VARS1: variants seen among roughly 807,000 people sequenced by gnomAD.
The protein encoded by VARS1 is valyl-tRNA synthetase 1, also known as valine--tRNA ligase.
VARS1 carries 92 observed loss-of-function variants against 161.0 expected under a neutral mutation model. The observed-to-expected ratio is 0.57, with a 90% confidence interval of 0.48 to 0.68. VARS1 has a LOEUF of 0.68. Among genes scored for constraint, VARS1 ranks in the 30% least tolerant of loss-of-function variants. The probability of loss-of-function intolerance (pLI) is 0.00; values close to 1 mark genes in which losing one functional copy is unlikely to be tolerated. For synonymous variants in VARS1, 595 were observed against 682.5 expected (o/e 0.87, Z 2.00); for missense variants, 1,338 against 1,695.9 (o/e 0.79, Z 3.71).
In VARS1 at chr6:31,781,407, G is replaced by A. The variant is rs915651; in HGVS notation, c.2544+74C>T. 0.1 allele frequency: 159,272 copies of A among 1,568,044 alleles called. 10,101 individuals carry two copies. The highest frequency in any genetic ancestry group is 0.12 in the Non-Finnish European group (142,382 of 1,159,472). Reference sequence around the variant, plus strand: ...AGCTAACCCCATGCCCCAGCCACGCGGGGTCTGCGCTGCAGCACAGGACGG... The same window carrying A: ...AGCTAACCCCATGCCCCAGCCACGCAGGGTCTGCGCTGCAGCACAGGACGG... On this transcript the variant is annotated intron_variant, in intron 21 of 29. Coordinates refer to ENST00000375663, the MANE Select transcript of VARS1 (RefSeq NM_006295.3). This position sits in a 1 kb window ranked among gnomAD's most constrained non-coding sequence, Gnocchi z 6.8.
chr6:31,782,388 C>G lies in VARS1; in HGVS notation c.2047G>C (p.Gly683Arg). The G allele has an allele frequency of 6.2e-7, 1 of 1,612,348 alleles. No individual in the cohort carries two copies. Among genetic ancestry groups the G allele is most frequent in the Non-Finnish European group, 8.5e-7 (1 of 1,179,710 alleles). ...GCGCTGGCAGCCTGGGCCATCTCCC[C>G]GCAGCGAACGTACCACTGCGGCCGC... ...LLRPQWYVRC[G>R]EMAQAASAAV... is the part of the protein sequence containing the mutation. Residue 683 changes from glycine (G) to arginine (R), a missense_variant, in exon 17 of 30, where the codon GGG becomes CGG. Physicochemically the swap from Gly to Arg is moderately radical, Grantham distance 125. Around this residue, in one of 3 missense-constraint regions of VARS1, gnomAD observed 902 missense variants for 1,090.3 expected, o/e 0.83. Transcript: ENST00000375663. The surrounding 1 kb of genome is among the most constrained non-coding windows in gnomAD (Gnocchi z 8.3).
chr6:31,793,449 TGAGCC>T (rs1224488818), intron 2 of VARS1, among the ~76,000 whole-genome samples: 1 of 150,958 alleles, frequency 6.6e-6, no homozygotes, highest in East Asian at 2.0e-4. Flanking sequence ...GAGCTTGCAG[TGAGCC>T]GAGATCACGC....
In VARS1 at chr6:31,791,474, C is replaced by CA; in HGVS notation, c.1100+135dup. ...AAGCTAAATGATCAGATTGGAATGA[C>CA]AGAGAGAAGTGTAGCACCACTGGGG... On this transcript the variant is annotated intron_variant, in intron 8 of 29. Transcript: ENST00000375663. This position sits in a 1 kb window ranked among gnomAD's most constrained non-coding sequence, Gnocchi z 5.0. 7.9e-7 allele frequency: 1 copy of CA among 1,265,004 alleles called. No individual in the cohort carries two copies. Among genetic ancestry groups the CA allele is most frequent in the South Asian group, 1.6e-5 (1 of 62,962 alleles). 78.4% of individuals were successfully genotyped at this position (1,265,004 alleles called of 1,614,324 possible).
At position 31,780,052 on chromosome 6, in the gene VARS1, G is replaced by A. The variant is rs553364774; in HGVS notation, c.3027C>T (p.Ala1009=). The A allele has an allele frequency of 1.3e-5, 21 of 1,614,132 alleles. No homozygotes were observed. The South Asian group carries it at 1.3e-4, about 10-fold the overall frequency. The part of the protein sequence containing the change: ...NQGFQAYDFP[A]VTTAQYSFWL... ...AGAAGCTGTACTGGGCAGTGGTGAC[G>A]GCCGGGAAGTCGTAGGCCTGGAAGC... is the stretch of plus-strand genomic sequence containing the variant. The change falls in exon 26 of 30, where the codon GCC becomes GCT. Residue 1009 remains alanine (A), a synonymous_variant. Coordinates refer to ENST00000375663, the MANE Select transcript of VARS1 (RefSeq NM_006295.3). The surrounding 1 kb of genome is among the most constrained non-coding windows in gnomAD (Gnocchi z 5.1).
rs1813462268 is a variant in VARS1, at chr6:31,785,787, C to T, written c.1101-54G>A. 6.5e-7 allele frequency: 1 copy of T among 1,542,550 alleles called. No individual in the cohort carries two copies. ...TGAGCCAGGCCAGTGGGGCCTGGCACCAAAGAAAGCAGAGGCTTCAGGCAA... is the reference window on the plus strand; with the variant it reads ...TGAGCCAGGCCAGTGGGGCCTGGCATCAAAGAAAGCAGAGGCTTCAGGCAA... On this transcript the variant is annotated intron_variant, in intron 8 of 29. Coordinates refer to ENST00000375663, the MANE Select transcript of VARS1 (RefSeq NM_006295.3). This position sits in a 1 kb window ranked among gnomAD's most constrained non-coding sequence, Gnocchi z 6.1.
In VARS1 at chr6:31,778,113, A is replaced by G. The variant is rs1427023722; in HGVS notation, c.3727-451T>C. 1 of 172,208 alleles carries G rather than the reference A, an allele frequency of 5.8e-6. No homozygotes were observed. The highest frequency in any genetic ancestry group is 1.2e-5 in the Non-Finnish European group (1 of 80,226). 10.7% of individuals were successfully genotyped at this position (172,208 alleles called of 1,614,324 possible). On this transcript the variant is annotated intron_variant, in intron 29 of 29. Coordinates refer to ENST00000375663, the MANE Select transcript of VARS1 (RefSeq NM_006295.3). This position sits in a 1 kb window ranked among gnomAD's most constrained non-coding sequence, Gnocchi z 5.1. ...TCTCTGTGTCTGTGCAGTTTACTCCACTGCTTCTCTCTGGCGGAACCCAGG... is the reference window on the plus strand; with the variant it reads ...TCTCTGTGTCTGTGCAGTTTACTCCGCTGCTTCTCTCTGGCGGAACCCAGG...
rs763368542 is a variant in VARS1 at position 31,779,521 on chromosome 6, G to A, written c.3304C>T (p.Pro1102Ser). 14 of 1,612,636 alleles carry A rather than the reference G, an allele frequency of 8.7e-6. No homozygotes were observed. In the Admixed American group the frequency reaches 2.2e-4, roughly 25 times the overall value. ...PEPSECSWKD[P>S]EAEAALELAL... ...AGCTCAAGGGCGGCTTCTGCCTCGG[G>A]GTCCTTCCAGGAGCACTGTGGGGTG... The change falls in exon 28 of 30, where the codon CCC (proline) becomes TCC (serine). Residue 1102 changes from proline (P) to serine (S), a missense_variant. By Grantham distance (74) the Pro-to-Ser change is moderately conservative. This residue lies in a region of VARS1 where 433 missense variants were observed against 586.2 expected (regional missense o/e 0.74). Transcript: ENST00000375663. This position sits in a 1 kb window ranked among gnomAD's most constrained non-coding sequence, Gnocchi z 9.1.
At position 31,780,993 on chromosome 6, in the gene VARS1, C is replaced by T; in HGVS notation, c.2649+26G>A. 6.2e-7 allele frequency: 1 copy of T among 1,614,108 alleles called. No homozygotes were observed. The highest frequency in any genetic ancestry group is 8.5e-7 in the Non-Finnish European group (1 of 1,180,004). ...CTGTGACCACAGCCCCACGGCCCTT[C>T]CTGGCTGGCCCAGCACCCAGCCCAC... On this transcript the variant is annotated intron_variant, in intron 22 of 29. Transcript: ENST00000375663. This position sits in a 1 kb window ranked among gnomAD's most constrained non-coding sequence, Gnocchi z 5.1.
chr6:31,789,786 C>T (rs978188443), intron 8 of VARS1, among the ~76,000 whole-genome samples: 8 of 152,050 alleles, frequency 5.3e-5, no homozygotes, highest in Middle Eastern at 3.4e-3. Flanking sequence ...TTTGGGAGTC[C>T]GAGGCGGGCG....
In VARS1 at chr6:31,780,895, T is replaced by C; in HGVS notation, c.2693A>G (p.Glu898Gly). 3 of 1,614,150 alleles carry C rather than the reference T, an allele frequency of 1.9e-6. No homozygotes were observed. The highest frequency in any genetic ancestry group is 2.5e-6 in the Non-Finnish European group (3 of 1,180,014). Residue 898 changes from glutamate (E) to glycine (G), a missense_variant, in exon 23 of 30, where the codon GAG (glutamate) becomes GGG (glycine). Physicochemically the swap from Glu to Gly is moderately conservative, Grantham distance 98 (BLOSUM62 -2). Transcript: ENST00000375663. The surrounding 1 kb of genome is among the most constrained non-coding windows in gnomAD (Gnocchi z 5.1). ...CTGCCCTTCTTTGGCCTTCTCCACC[T>C]CGCTGGGATCCAGGTTGCTGTTCAG... ...QLLNSNLDPS[E>G]VEKAKEGQKA...
chr6:31,792,289 G>C lies in VARS1; in HGVS notation c.799C>G (p.Pro267Ala). ...GGATCCCGTTTCTCCCTCTTCTCTG[G>C]TTTTGGTTTCTTCTGCTTGGGAGGG... ...QPPPGEKKPK[P>A]EKREKRDPGV... The change falls in exon 6 of 30, where the codon CCA (proline) becomes GCA (alanine). Residue 267 changes from proline to alanine, a missense_variant. Around this residue, in one of 3 missense-constraint regions of VARS1, gnomAD observed 902 missense variants for 1,090.3 expected, o/e 0.83. Transcript: ENST00000375663. 6.2e-7 allele frequency: 1 copy of C among 1,613,864 alleles called. No homozygotes were observed. Among genetic ancestry groups the C allele is most frequent in the Non-Finnish European group, 8.5e-7 (1 of 1,179,968 alleles).
At position 31,791,848 on chromosome 6, in the gene VARS1, C is replaced by T. The variant is rs1562312289; in HGVS notation, c.972+23G>A. The T allele has an allele frequency of 1.9e-6, 3 of 1,611,700 alleles. No individual in the cohort carries two copies. The highest frequency in any genetic ancestry group is 1.7e-5 in the Admixed American group (1 of 59,912). The stretch of plus-strand genomic sequence containing the variant: ...CCTTCCCCACCCCACCCACTCTGGG[C>T]CTGGGCAGCAGTGCCTACTCACCCC... On this transcript the variant is annotated intron_variant, in intron 7 of 29. Coordinates refer to ENST00000375663, the MANE Select transcript of VARS1 (RefSeq NM_006295.3). The surrounding 1 kb of genome is among the most constrained non-coding windows in gnomAD (Gnocchi z 5.0).
Position 31,779,279 on chromosome 6 carries a change from C to T in VARS1, c.3414G>A (p.Val1138=). 1.2e-6 allele frequency: 2 copies of T among 1,603,208 alleles called. No homozygotes were observed. Among genetic ancestry groups the T allele is most frequent in the Non-Finnish European group, 1.7e-6 (2 of 1,179,660 alleles). ...TRIRPDCFLE[V]ADEATGALAS... ...CCAGGGCGCCCGTGGCCTCATCCGC[C>T]ACTTCCAGGAAACCTGCCAGGGAGG... Residue 1138 remains valine (V), a synonymous_variant, in exon 29 of 30, where the codon GTG becomes GTA. Coordinates refer to ENST00000375663, the MANE Select transcript of VARS1 (RefSeq NM_006295.3). This position sits in a 1 kb window ranked among gnomAD's most constrained non-coding sequence, Gnocchi z 9.1.
At chr6:31,790,214 G>T (rs1813780658) in intron 8 of VARS1, among the ~76,000 whole-genome samples, 1 of 152,058 alleles carries the variant, frequency 6.6e-6, no homozygotes, top group Non-Finnish European at 1.5e-5. Flanking sequence ...CAGGCTGCAG[G>T]TTGGACAAAC....
In VARS1 at chr6:31,780,714, T is replaced by C. The variant is rs553063573; in HGVS notation, c.2788A>G (p.Met930Val). 4.3e-6 allele frequency: 7 copies of C among 1,614,098 alleles called. No individual in the cohort carries two copies. In the African/African-American group the frequency reaches 5.3e-5, roughly 12 times the overall value. Residue 930 changes from methionine to valine, a missense_variant, in exon 24 of 30, where the codon ATG (methionine) becomes GTG (valine). This residue lies in a region of VARS1 where 433 missense variants were observed against 586.2 expected (regional missense o/e 0.74). Coordinates refer to ENST00000375663, the MANE Select transcript of VARS1 (RefSeq NM_006295.3). The surrounding 1 kb of genome is among the most constrained non-coding windows in gnomAD (Gnocchi z 5.1). ...GCTTTGGGGGCCATACCCTGGGACA[T>C]GTAGGCACATAATCCAAACCGGAGA... ...DALRFGLCAY[M>V]SQGRDINLDV...
intron 8 of VARS1, among the ~76,000 whole-genome samples, chr6:31,788,740 C>A (rs1471396347): frequency 6.6e-6 from 1 of 151,534 alleles, no homozygotes; most frequent in African/African-American, 2.4e-5. Flanking sequence ...ACCTGGGAAG[C>A]AGAGCTTGCA....
In VARS1 at chr6:31,782,255, A is replaced by G. The variant is rs748975741; in HGVS notation, c.2150+30T>C. 6.2e-7 allele frequency: 1 copy of G among 1,610,490 alleles called. No individual in the cohort carries two copies. The highest frequency in any genetic ancestry group is 1.7e-5 in the Admixed American group (1 of 59,890). On this transcript the variant is annotated intron_variant, in intron 17 of 29. Transcript: ENST00000375663. The surrounding 1 kb of genome is among the most constrained non-coding windows in gnomAD (Gnocchi z 8.3). ...AGTGAGCCCTGCTCAGCCCTCGGCA[A>G]GCCCCTCCCACACTGAGGACCCTAC... is the stretch of plus-strand genomic sequence containing the variant.
chr6:31,780,909 G>A lies in VARS1; in HGVS notation c.2679C>T (p.Asn893=), dbSNP rs753021159. 2 of 1,614,186 alleles carry A rather than the reference G, an allele frequency of 1.2e-6. No individual in the cohort carries two copies. Among genetic ancestry groups the A allele is most frequent in the Admixed American group, 1.7e-5 (1 of 60,020 alleles). ...QGLHNQLLNS[N]LDPSEVEKAK... ...CCTTCTCCACCTCGCTGGGATCCAG[G>A]TTGCTGTTCAGCAGCTGGTTGTGGA... The change falls in exon 23 of 30, where the codon AAC becomes AAT. Residue 893 remains asparagine, a synonymous_variant. Transcript: ENST00000375663. The surrounding 1 kb of genome is among the most constrained non-coding windows in gnomAD (Gnocchi z 5.1).
Position 31,795,141 on chromosome 6 carries a change from T to C in VARS1, c.77A>G (p.Glu26Gly). The C allele has an allele frequency of 4.7e-6, 7 of 1,483,286 alleles. No individual in the cohort carries two copies. The highest frequency in any genetic ancestry group is 6.3e-6 in the Non-Finnish European group (7 of 1,116,624). The allele number at this position is 1,483,286 out of a possible 1,614,324, so 91.9% of individuals were successfully genotyped here. A position where few individuals can be genotyped will look rare whatever the true frequency, so the allele number is the denominator to read the frequency against. Residue 26 changes from glutamate to glycine, a missense_variant, in exon 2 of 30, where the codon GAG (glutamate) becomes GGG (glycine). Around this residue, in one of 3 missense-constraint regions of VARS1, gnomAD observed 902 missense variants for 1,090.3 expected, o/e 0.83. Transcript: ENST00000375663. This position sits in a 1 kb window ranked among gnomAD's most constrained non-coding sequence, Gnocchi z 6.9. ...TCCCCATCCGGGACCCTCCCCAGCC[T>C]CCCCATAGCGAGCGGCTATGAGGGC... ...LRALIAARYG[E>G]AGEGPGWGGA...
Sources: allele counts gnomAD v4.1 joint callset (sites outside exome capture counted in the v4.1 genomes callset), GRCh38; gene constraint gnomAD v4.1.1; regional missense constraint gnomAD v4.1.1; non-coding constraint Gnocchi (gnomAD v3.1); transcripts MANE v1.5; gene names NCBI Gene and HGNC (gene_info 2026-07-23, HGNC 2026-07-21).